Variants in PPARGC1A observed in about 807,000 individuals in gnomAD.
PPARGC1A encodes the protein peroxisome proliferator-activated receptor gamma coactivator 1-alpha.
In PPARGC1A, 25 loss-of-function variants were observed where a neutral mutation model predicts 88.7. That is an observed-to-expected ratio of 0.28 (90% CI 0.21 to 0.39). PPARGC1A has a LOEUF of 0.39. Among genes scored for constraint, PPARGC1A ranks in the 10% least tolerant of loss-of-function variants. PPARGC1A has a pLI of 1.00. For synonymous variants in PPARGC1A, 363 were observed against 355.6 expected (o/e 1.02, Z -0.24); for missense variants, 880 against 968.7 (o/e 0.91, Z 1.22).
intron 2 of PPARGC1A, among the ~76,000 whole-genome samples, chr4:23,872,551 A>G (rs1713619019): frequency 6.6e-6 from 1 of 152,186 alleles, no homozygotes; most frequent in African/African-American, 2.4e-5. Flanking sequence ...TAAAGACAAT[A>G]AGTAGGAGAA....
chr4:24,219,891 C>T, the PPARGC1A span, among the ~76,000 whole-genome samples: 1 of 152,096 alleles, frequency 6.6e-6, no homozygotes, highest in Non-Finnish European at 1.5e-5. Flanking sequence ...GTCACAGAGT[C>T]CCATCAGTAA....
intron 2 of PPARGC1A, among the ~76,000 whole-genome samples, chr4:23,867,966 G>C (rs1486354706): frequency 2.0e-5 from 3 of 152,204 alleles, no homozygotes; most frequent in Non-Finnish European, 4.4e-5. Flanking sequence ...AGGAAATACG[G>C]GCACAGTGCT....
the PPARGC1A span, among the ~76,000 whole-genome samples, chr4:23,944,670 G>A: frequency 2.6e-5 from 4 of 152,152 alleles, no homozygotes; most frequent in East Asian, 7.7e-4. Flanking sequence ...TGAATCAGAA[G>A]GGCAGCTTCC....
chr4:24,168,128 T>G, the PPARGC1A span, among the ~76,000 whole-genome samples: 5 of 152,346 alleles, frequency 3.3e-5, no homozygotes, highest in South Asian at 2.1e-4. Flanking sequence ...AACTACAGTA[T>G]AGTATAAAAA....
At chr4:24,387,998 TGAAG>T in the PPARGC1A span, among the ~76,000 whole-genome samples, 1 of 125,852 alleles carries the variant, frequency 7.9e-6, no homozygotes, top group African/African-American at 3.1e-5. Context: ...GAGGGAGGGA[TGAAG>T]GAAGGAAGGA....
At chr4:24,357,272 G>A in the PPARGC1A span, among the ~76,000 whole-genome samples, 2 of 152,122 alleles carry the variant, frequency 1.3e-5, no homozygotes, top group Admixed American at 6.5e-5. Flanking sequence ...TCAGCTTCTG[G>A]GGGAGGTCAC....
intron 7 of PPARGC1A, among the ~76,000 whole-genome samples, chr4:23,816,482 C>T (rs1376433863): frequency 6.6e-6 from 1 of 152,114 alleles, no homozygotes; most frequent in African/African-American, 2.4e-5. Flanking sequence ...CTGCCTTATT[C>T]ATGCATACTG....
the PPARGC1A span, among the ~76,000 whole-genome samples, chr4:24,166,529 T>C: frequency 6.6e-6 from 1 of 152,306 alleles, no homozygotes; most frequent in Non-Finnish European, 1.5e-5. Flanking sequence ...AGCCTGATTC[T>C]CTCGTTAGAG....
the PPARGC1A span, among the ~76,000 whole-genome samples, chr4:24,401,226 G>T: frequency 6.6e-6 from 1 of 151,804 alleles, no homozygotes. Context: ...CACCGTGTTA[G>T]CCAGGATGGT....
intron 5 of PPARGC1A, among the ~76,000 whole-genome samples, chr4:23,824,752 C>A (rs891669593): frequency 1.3e-5 from 2 of 151,932 alleles, no homozygotes; most frequent in African/African-American, 4.8e-5. Context: ...AAAAATGAAC[C>A]CTCCCTGTTA....
chr4:24,402,784 C>A, the PPARGC1A span, among the ~76,000 whole-genome samples: 1 of 152,202 alleles, frequency 6.6e-6, no homozygotes. Context: ...CACCAAGCAC[C>A]TTGAGGCTGC....
the PPARGC1A span, among the ~76,000 whole-genome samples, chr4:24,134,259 C>T: frequency 6.6e-6 from 1 of 152,234 alleles, no homozygotes; most frequent in Non-Finnish European, 1.5e-5. Flanking sequence ...ATTGATCCCA[C>T]TATGCATCTT....
the PPARGC1A span, among the ~76,000 whole-genome samples, chr4:24,432,900 A>G: frequency 1.3e-5 from 2 of 152,166 alleles, no homozygotes; most frequent in African/African-American, 2.4e-5. Flanking sequence ...GGGAAGACAC[A>G]CCAGCCTCTA....
chr4:24,038,869 C>A, the PPARGC1A span, among the ~76,000 whole-genome samples: 6 of 152,290 alleles, frequency 3.9e-5, no homozygotes, highest in Non-Finnish European at 5.9e-5. Context: ...CAGAAGCTAG[C>A]AAATCCTCCC....
At chr4:23,859,106 T>G (rs952933865) in intron 2 of PPARGC1A, among the ~76,000 whole-genome samples, 9 of 152,124 alleles carry the variant, frequency 5.9e-5, no homozygotes, top group Non-Finnish European at 1.5e-5. Flanking sequence ...TTCAAATACA[T>G]TATCAACTCT....
intron 2 of PPARGC1A, among the ~76,000 whole-genome samples, chr4:23,874,819 C>G (rs1714363063): frequency 6.6e-6 from 1 of 152,182 alleles, no homozygotes; most frequent in Non-Finnish European, 1.5e-5. Context: ...TCTTCCCTAC[C>G]TCCTCCCTTT....
the PPARGC1A span, among the ~76,000 whole-genome samples, chr4:24,272,233 T>A: frequency 2.0e-5 from 3 of 152,230 alleles, no homozygotes; most frequent in Non-Finnish European, 4.4e-5. Flanking sequence ...ATCTGATCAA[T>A]CTTTTATTAT....
chr4:24,288,303 C>A, the PPARGC1A span, among the ~76,000 whole-genome samples: 1 of 152,290 alleles, frequency 6.6e-6, no homozygotes, highest in South Asian at 2.1e-4. Flanking sequence ...ACCTTCCAGG[C>A]TTTGAACACA....
At chr4:24,295,081 C>T in the PPARGC1A span, among the ~76,000 whole-genome samples, 1 of 152,218 alleles carries the variant, frequency 6.6e-6, no homozygotes, top group African/African-American at 2.4e-5. Flanking sequence ...TAATGCAACG[C>T]TGTTTAGTTA....
Sources: gnomAD v4.1 joint callset for allele counts (sites outside exome capture counted in the v4.1 genomes callset) on GRCh38, gnomAD v4.1.1 for gene constraint, MANE v1.5 for transcripts, NCBI Gene and HGNC (gene_info 2026-07-23, HGNC 2026-07-21) for gene names.